Variants in GRID2 observed in about 807,000 individuals in gnomAD.
GRID2 encodes glutamate ionotropic receptor delta type subunit 2, also known as glutamate receptor ionotropic, delta-2.
Under a neutral mutation model 114.8 loss-of-function variants are expected in GRID2, and 33 were observed. The ratio of observed to expected loss-of-function variants is 0.29; its 90% confidence interval spans 0.22 to 0.38. The LOEUF (loss-of-function observed/expected upper bound fraction) is 0.38. Ranked by LOEUF, GRID2 falls within the 10% of genes least tolerant of loss-of-function variation. The pLI is 1.00. For missense variants in GRID2, 1,184 were observed against 1,257.7 expected, an observed-to-expected ratio of 0.94 and a Z score of 0.89; for synonymous variants, 505 against 449.9, an observed-to-expected ratio of 1.12 and a Z score of -1.55.
Position 93,664,657 on chromosome 4 carries a change from G to T in GRID2, c.2360+38222G>T, listed in dbSNP as rs576654215. ...AGAATATTTTGGGGTGGGTAGGGAC[G>T]TGAAAATTGGGAGATCAATTCTGGA... On this transcript the variant is annotated intron_variant, in intron 14 of 15. Transcript: ENST00000282020. 3.9e-5 allele frequency among the ~76,000 whole-genome samples: 6 copies of T among 152,278 alleles called. No individual in the cohort carries two copies. In the South Asian group the frequency reaches 1.2e-3, roughly 32 times the overall value.
intron 1 of GRID2, among the ~76,000 whole-genome samples, chr4:92,403,137 C>A (rs1334802645): frequency 6.6e-6 from 1 of 152,128 alleles, no homozygotes; most frequent in Non-Finnish European, 1.5e-5. Flanking sequence ...GAAGAGAGGT[C>A]CTTGTTCTGC....
rs979488651 is a variant in GRID2, at chr4:92,764,628, G to A, written c.244+174342G>A. The stretch of plus-strand genomic sequence containing the variant: ...TTAACATCTATACCCCTTTTTTATA[G>A]AACTTAACACAATTTGTAATTCATG... On this transcript the variant is annotated intron_variant, in intron 2 of 15. Transcript: ENST00000282020. 6.6e-5 allele frequency among the ~76,000 whole-genome samples: 10 copies of A among 152,168 alleles called. No individual in the cohort carries two copies. In the South Asian group the frequency reaches 2.1e-3, roughly 32 times the overall value.
At chr4:92,521,099 ATT>A in intron 1 of GRID2, among the ~76,000 whole-genome samples, 1 of 152,040 alleles carries the variant, frequency 6.6e-6, no homozygotes. Context: ...CAATAAATAA[ATT>A]TATTGAGTTT....
chr4:93,798,147 C>A (rs1734844660), intron 1 of GRID2, among the ~76,000 whole-genome samples: 1 of 151,870 alleles, frequency 6.6e-6, no homozygotes, highest in Non-Finnish European at 1.5e-5. Context: ...GAGTGAAATT[C>A]CTTCTCAAGA....
chr4:93,104,311 T>C (rs552250837), intron 3 of GRID2, among the ~76,000 whole-genome samples: 1 of 152,234 alleles, frequency 6.6e-6, no homozygotes, highest in East Asian at 1.9e-4. Flanking sequence ...TATTTTTTAT[T>C]TTATTATGAT....
chr4:92,348,541 A>G (rs1417382007), intron 1 of GRID2, among the ~76,000 whole-genome samples: 2 of 152,202 alleles, frequency 1.3e-5, no homozygotes, highest in Non-Finnish European at 2.9e-5. Flanking sequence ...CTGAAGAGCT[A>G]AAAGAGCTAG....
chr4:93,280,855 A>C (rs1295910697), intron 8 of GRID2, among the ~76,000 whole-genome samples: 2 of 151,962 alleles, frequency 1.3e-5, no homozygotes, highest in Non-Finnish European at 2.9e-5. Flanking sequence ...AGGATAATAA[A>C]GTACTGTATT....
chr4:92,991,062 G>T (rs377219794), intron 2 of GRID2, among the ~76,000 whole-genome samples: 2 of 152,058 alleles, frequency 1.3e-5, no homozygotes, highest in East Asian at 3.9e-4. Context: ...TCTGCATTAC[G>T]GACAATGACT....
intron 11 of GRID2, among the ~76,000 whole-genome samples, chr4:93,482,607 C>T (rs564736329): frequency 6.6e-6 from 1 of 151,706 alleles, no homozygotes; most frequent in Non-Finnish European, 1.5e-5. Flanking sequence ...ACCTAAATGA[C>T]GGGTTGATGT....
intron 2 of GRID2, among the ~76,000 whole-genome samples, chr4:93,011,772 A>G (rs1722197331): frequency 6.6e-6 from 1 of 152,092 alleles, no homozygotes; most frequent in African/African-American, 2.4e-5. Context: ...TTATCCACCT[A>G]AAGTTAATTA....
intron 4 of GRID2, among the ~76,000 whole-genome samples, chr4:93,128,730 C>T (rs1411219630): frequency 6.6e-6 from 1 of 152,126 alleles, no homozygotes; most frequent in African/African-American, 2.4e-5. Flanking sequence ...ACAAGTTTGC[C>T]TTTTCTGGGA....
At chr4:92,894,079 G>A (rs1473910812) in intron 2 of GRID2, among the ~76,000 whole-genome samples, 6 of 152,104 alleles carry the variant, frequency 3.9e-5, no homozygotes, top group South Asian at 2.1e-4. Context: ...TCAGCTCAAG[G>A]AGCTGTGTGA....
chr4:93,430,623 T>C (rs1769318799), intron 10 of GRID2, among the ~76,000 whole-genome samples: 1 of 152,274 alleles, frequency 6.6e-6, no homozygotes, highest in Non-Finnish European at 1.5e-5. Flanking sequence ...TGCTATGCAC[T>C]GTGCTAGGCA....
At chr4:92,913,547 C>CCAA (rs1408193780) in intron 2 of GRID2, among the ~76,000 whole-genome samples, 3 of 151,914 alleles carry the variant, frequency 2.0e-5, no homozygotes, top group Admixed American at 2.0e-4. Flanking sequence ...CCTGCATGAA[C>CCAA]TTGTCCTAGA....
At chr4:92,490,359 G>A (rs1723093175) in intron 1 of GRID2, among the ~76,000 whole-genome samples, 1 of 152,176 alleles carries the variant, frequency 6.6e-6, no homozygotes, top group African/African-American at 2.4e-5. Flanking sequence ...TGGAATGCCA[G>A]TTTTCTTATG....
intron 2 of GRID2, among the ~76,000 whole-genome samples, chr4:92,596,705 A>G (rs1335964353): frequency 1.3e-5 from 2 of 151,918 alleles, no homozygotes; most frequent in South Asian, 2.1e-4. Flanking sequence ...AGAAAAAAAA[A>G]AACAGCTCAC....
intron 1 of GRID2, among the ~76,000 whole-genome samples, chr4:92,313,536 C>T (rs996818648): frequency 1.3e-5 from 2 of 151,786 alleles, no homozygotes; most frequent in African/African-American, 4.8e-5. Context: ...GAGGGGAAGA[C>T]GTGCAGAGAG....
intron 2 of GRID2, among the ~76,000 whole-genome samples, chr4:93,070,950 A>T (rs558513033): frequency 1.3e-5 from 2 of 152,064 alleles, no homozygotes; most frequent in Non-Finnish European, 2.9e-5. Flanking sequence ...TTTAAGAAAT[A>T]TTTACTGAAC....
In GRID2 at chr4:92,611,106, A is replaced by G. The variant is rs941283145; in HGVS notation, c.244+20820A>G. ...TGTGTATATATATGTGTGTGTGTAT[A>G]TGTGTGTGTATGTGTGTGTGTGTGC... On this transcript the variant is annotated intron_variant, in intron 2 of 15. Transcript: ENST00000282020. Among the ~76,000 whole-genome samples the G allele has an allele frequency of 9.6e-5, 13 of 135,716 alleles. No homozygotes were observed. The East Asian group carries it at 1.1e-3, about 12-fold the overall frequency. The allele number at this position is 135,716 out of a possible 152,430, so 89.0% of individuals were successfully genotyped here. A position where few individuals can be genotyped will look rare whatever the true frequency, so the allele number is the denominator to read the frequency against.
Sources: gnomAD v4.1 joint callset for allele counts (sites outside exome capture counted in the v4.1 genomes callset) on GRCh38, gnomAD v4.1.1 for gene constraint, MANE v1.5 for transcripts, NCBI Gene and HGNC (gene_info 2026-07-23, HGNC 2026-07-21) for gene names.